PTPRK: variants seen among roughly 807,000 people sequenced by gnomAD.
The protein encoded by PTPRK is receptor-type tyrosine-protein phosphatase kappa.
Under a neutral mutation model 178.0 loss-of-function variants are expected in PTPRK, and 75 were observed. The observed-to-expected ratio is 0.42, with a 90% CI of 0.35 to 0.51. PTPRK has a LOEUF of 0.51. PTPRK is among the 20% of genes least tolerant of loss of function. The probability of loss-of-function intolerance (pLI) is 0.02; values close to 1 mark genes in which losing one functional copy is unlikely to be tolerated. For missense variants in PTPRK, 1,441 were observed against 1,797.8 expected (o/e 0.80, Z 3.59); for synonymous variants, 637 against 620.6 (o/e 1.03, Z -0.39).
chr6:128,108,689 T>G (rs1266737222), intron 7 of PTPRK, among the ~76,000 whole-genome samples: 1 of 152,128 alleles, frequency 6.6e-6, no homozygotes, highest in Non-Finnish European at 1.5e-5. Flanking sequence ...TTCCCAGTGT[T>G]GTGGTCTGCT....
chr6:128,307,160 A>T lies in PTPRK; in HGVS notation c.495+14879T>A, dbSNP rs565891529. Among the ~76,000 whole-genome samples the T allele has an allele frequency of 1.1e-3, 155 of 142,376 alleles. 1 individual carries two copies. The Middle Eastern group carries it at 0.011, about 10-fold the overall frequency. 93.4% of individuals were successfully genotyped at this position (142,376 alleles called of 152,430 possible). On this transcript the variant is annotated intron_variant, in intron 3 of 29. Coordinates refer to ENST00000368226, the MANE Select transcript of PTPRK (RefSeq NM_002844.4). ...AGGCTCAGAGCTCAGAAGAAAAAAAAATATATATATATATATATGGATATA... is the reference window on the plus strand; with the variant it reads ...AGGCTCAGAGCTCAGAAGAAAAAAATATATATATATATATATATGGATATA...
chr6:128,085,857 A>G (rs1219383141), intron 8 of PTPRK, among the ~76,000 whole-genome samples: 3 of 152,234 alleles, frequency 2.0e-5, no homozygotes, highest in Admixed American at 6.5e-5. Context: ...AGATGAGAGA[A>G]GGAACTATAC....
rs142090047 is a variant in PTPRK, at chr6:128,309,007, T to C, written c.495+13032A>G. Among the ~76,000 whole-genome samples the C allele has an allele frequency of 3.3e-5, 5 of 152,252 alleles. No homozygotes were observed. The East Asian group carries it at 9.7e-4, about 29-fold the overall frequency. The stretch of plus-strand genomic sequence containing the variant: ...CACTTTTAAATAAATAATATTATAA[T>C]CTTGGGCACTAAAAAATGATAGGGT... On this transcript the variant is annotated intron_variant, in intron 3 of 29. Coordinates refer to ENST00000368226, the MANE Select transcript of PTPRK (RefSeq NM_002844.4).
At chr6:128,120,227 T>C (rs1562619939) in intron 7 of PTPRK, among the ~76,000 whole-genome samples, 1 of 151,980 alleles carries the variant, frequency 6.6e-6, no homozygotes, top group Non-Finnish European at 1.5e-5. Context: ...ATAGACATGA[T>C]TAGAATTGAT....
intron 7 of PTPRK, among the ~76,000 whole-genome samples, chr6:128,136,578 C>T (rs1795050939): frequency 6.6e-6 from 1 of 152,156 alleles, no homozygotes. Context: ...CATGTGAAGA[C>T]TTACTTAATC....
At chr6:128,452,644 G>A (rs891054399) in intron 1 of PTPRK, among the ~76,000 whole-genome samples, 2 of 152,128 alleles carry the variant, frequency 1.3e-5, no homozygotes, top group African/African-American at 4.8e-5. Context: ...ATTCTGAACT[G>A]ATCATGATTA....
intron 7 of PTPRK, among the ~76,000 whole-genome samples, chr6:128,111,673 C>T (rs1790693654): frequency 4.0e-5 from 6 of 150,864 alleles, no homozygotes. Context: ...ACCCAACCAC[C>T]CCATCTGGCT....
intron 3 of PTPRK, among the ~76,000 whole-genome samples, chr6:128,248,541 T>TA (rs1815886629): frequency 6.6e-6 from 1 of 152,030 alleles, no homozygotes; most frequent in African/African-American, 2.4e-5. Context: ...AGCTTATTAA[T>TA]AAAAGAGTAT....
intron 6 of PTPRK, among the ~76,000 whole-genome samples, chr6:128,201,068 ACTTT>A (rs1258159600): frequency 6.6e-6 from 1 of 152,124 alleles, no homozygotes; most frequent in Non-Finnish European, 1.5e-5. Context: ...GTGCTTATGG[ACTTT>A]CTTTGATTAC....
At chr6:128,404,524 A>G (rs915293933) in intron 1 of PTPRK, among the ~76,000 whole-genome samples, 1 of 152,212 alleles carries the variant, frequency 6.6e-6, no homozygotes, top group African/African-American at 2.4e-5. Flanking sequence ...TTTGTTTTAA[A>G]TACAGGTAAC....
intron 3 of PTPRK, among the ~76,000 whole-genome samples, chr6:128,256,619 G>A (rs574824111): frequency 2.6e-5 from 4 of 151,786 alleles, no homozygotes; most frequent in African/African-American, 9.7e-5. Flanking sequence ...TGTATTTTTA[G>A]TAGAGACGGG....
At chr6:128,203,804 C>A (rs1296125336) in intron 6 of PTPRK, among the ~76,000 whole-genome samples, 1 of 152,172 alleles carries the variant, frequency 6.6e-6, no homozygotes, top group Non-Finnish European at 1.5e-5. Context: ...ACATTCCATG[C>A]TCATGGACAG....
At chr6:128,486,065 A>C in intron 1 of PTPRK, among the ~76,000 whole-genome samples, 1 of 152,244 alleles carries the variant, frequency 6.6e-6, no homozygotes, top group African/African-American at 2.4e-5. Flanking sequence ...TATGTTCATT[A>C]AATAGTTTCA....
At chr6:128,328,599 C>A (rs144445183) in intron 2 of PTPRK, among the ~76,000 whole-genome samples, 1 of 152,032 alleles carries the variant, frequency 6.6e-6, no homozygotes, top group Non-Finnish European at 1.5e-5. Flanking sequence ...GTCAGAGTCA[C>A]GCTGGTATAT....
rs201148006 is a variant in PTPRK, at chr6:128,142,551, AAT to A, written c.1162+41879_1162+41880del. On this transcript the variant is annotated intron_variant, in intron 7 of 29. Coordinates refer to ENST00000368226, the MANE Select transcript of PTPRK (RefSeq NM_002844.4). ...ATGGGTATATATAAAATATATACAT[AAT>A]ATATATATACACACACACACGTGTG... Among the ~76,000 whole-genome samples the A allele has an allele frequency of 2.3e-3, 351 of 151,374 alleles. 4 individuals are homozygous for A. The highest frequency in any genetic ancestry group is 7.9e-3 in the African/African-American group (325 of 41,334).
At chr6:128,311,166 G>A (rs183990671) in intron 3 of PTPRK, among the ~76,000 whole-genome samples, 1 of 152,200 alleles carries the variant, frequency 6.6e-6, no homozygotes, top group Admixed American at 6.5e-5. Flanking sequence ...CAAGAGAAAG[G>A]GAACTAAGTA....
chr6:128,226,454 T>C (rs1811306368), intron 5 of PTPRK, among the ~76,000 whole-genome samples: 1 of 152,162 alleles, frequency 6.6e-6, no homozygotes, highest in Admixed American at 6.5e-5. Context: ...AGGCATTTTG[T>C]GAATGGACTT....
intron 4 of PTPRK, chr6:128,241,373 A>G (rs1326418020): frequency 3.9e-6 from 2 of 515,150 alleles, no homozygotes; most frequent in African/African-American, 3.9e-5. Context: ...CTATTCAATC[A>G]GAACCAGGGG....
chr6:128,096,564 T>C (rs1299634614), intron 7 of PTPRK, among the ~76,000 whole-genome samples: 1 of 152,176 alleles, frequency 6.6e-6, no homozygotes, highest in Non-Finnish European at 1.5e-5. Context: ...ATGATAAAAC[T>C]TATTATGCAG....
Sources: allele counts gnomAD v4.1 joint callset (sites outside exome capture counted in the v4.1 genomes callset), GRCh38; gene constraint gnomAD v4.1.1; transcripts MANE v1.5; gene names NCBI Gene and HGNC (gene_info 2026-07-23, HGNC 2026-07-21).